The following ZFHX3 variants were observed in gnomAD, a reference collection of about 807,000 sequenced individuals.
ZFHX3 encodes the protein zinc finger homeobox protein 3.
In ZFHX3, 42 loss-of-function variants were observed where a neutral mutation model predicts 279.1. That is an observed-to-expected ratio of 0.15 (90% CI 0.12 to 0.19). The LOEUF (loss-of-function observed/expected upper bound fraction) is 0.19, where lower values mean the gene tolerates loss of function less well. ZFHX3 is among the 10% of genes least tolerant of loss of function. The pLI is 1.00. For missense variants in ZFHX3, 4,981 were observed against 4,754.0 expected (o/e 1.05, Z -1.40); for synonymous variants, 2,293 against 1,957.8 (o/e 1.17, Z -4.52).
chr16:73,529,013 C>A (rs190569453), intron 2 of ZFHX3, among the ~76,000 whole-genome samples: 9 of 152,234 alleles, frequency 5.9e-5, no homozygotes, highest in Admixed American at 4.6e-4. Flanking sequence ...TTGAGGACAA[C>A]AAAGAATAAA....
At chr16:72,904,318 A>G (rs2039114417) in intron 3 of ZFHX3, among the ~76,000 whole-genome samples, 1 of 151,870 alleles carries the variant, frequency 6.6e-6, no homozygotes, top group Admixed American at 6.6e-5. Context: ...GTGAGCCGAG[A>G]TCACAACCCA....
At chr16:73,606,020 A>G (rs906411895) in intron 2 of ZFHX3, among the ~76,000 whole-genome samples, 1 of 151,246 alleles carries the variant, frequency 6.6e-6, no homozygotes, top group Non-Finnish European at 1.5e-5. Context: ...CGTCTCTACT[A>G]AAAATACAAA....
At chr16:73,001,066 A>G (rs1038863341) in intron 1 of ZFHX3, among the ~76,000 whole-genome samples, 1 of 152,140 alleles carries the variant, frequency 6.6e-6, no homozygotes, top group African/African-American at 2.4e-5. Context: ...CTTCTTACCA[A>G]CAGCATGCAA....
intron 3 of ZFHX3, among the ~76,000 whole-genome samples, chr16:73,437,687 A>G (rs138742823): frequency 6.6e-6 from 1 of 152,270 alleles, no homozygotes; most frequent in African/African-American, 2.4e-5. Flanking sequence ...TTCTACATAA[A>G]TGACATAATT....
At position 72,785,308 on chromosome 16, in the gene ZFHX3, T is replaced by A. The variant is rs1049150505; in HGVS notation, c.*1856A>T. 6 of 152,210 alleles carry A rather than the reference T, an allele frequency of 3.9e-5. No individual in the cohort carries two copies. Among genetic ancestry groups the A allele is most frequent in the Non-Finnish European group, 8.8e-5 (6 of 68,002 alleles). 9.4% of individuals were successfully genotyped at this position (152,210 alleles called of 1,614,324 possible). A position where few individuals can be genotyped will look rare whatever the true frequency, so the allele number is the denominator to read the frequency against. On this transcript the variant is annotated 3_prime_UTR_variant, in exon 10 of 10. Coordinates refer to ENST00000268489, the MANE Select transcript of ZFHX3 (RefSeq NM_006885.4). ...ACAGAAACAAGTGCCTCACATACAG[T>A]TCCTTTTTTGCTTTCTGTACACTGC...
intron 1 of ZFHX3, among the ~76,000 whole-genome samples, chr16:73,688,474 C>G (rs905005691): frequency 6.6e-6 from 1 of 151,950 alleles, no homozygotes; most frequent in African/African-American, 2.4e-5. Flanking sequence ...GAATTAGCAC[C>G]CTCATAAAAG....
chr16:73,087,236 T>C (rs1257282769), intron 8 of ZFHX3, among the ~76,000 whole-genome samples: 1 of 152,182 alleles, frequency 6.6e-6, no homozygotes, highest in African/African-American at 2.4e-5. Context: ...CAAAGGGTCA[T>C]GTAACTAACT....
At chr16:73,848,285 A>G (rs1327660422) in intron 1 of ZFHX3, among the ~76,000 whole-genome samples, 1 of 152,010 alleles carries the variant, frequency 6.6e-6, no homozygotes, top group East Asian at 1.9e-4. Flanking sequence ...TCTTAGGAGC[A>G]CTCAGGAGCT....
chr16:73,876,667 G>T (rs1266982131), intron 1 of ZFHX3, among the ~76,000 whole-genome samples: 2 of 152,082 alleles, frequency 1.3e-5, no homozygotes, highest in Non-Finnish European at 2.9e-5. Flanking sequence ...GGATATGTGG[G>T]GTAGGAATTC....
intron 2 of ZFHX3, among the ~76,000 whole-genome samples, chr16:73,646,944 A>C (rs2052623272): frequency 6.6e-6 from 1 of 151,820 alleles, no homozygotes; most frequent in Admixed American, 6.6e-5. Flanking sequence ...GTAATTACGC[A>C]GGGAGAATCT....
At chr16:73,488,991 GT>G (rs1271898931) in intron 2 of ZFHX3, among the ~76,000 whole-genome samples, 1 of 152,110 alleles carries the variant, frequency 6.6e-6, no homozygotes. Flanking sequence ...TATACAAAGT[GT>G]TTAGCATGGT....
chr16:73,487,424 G>A (rs1450082617), intron 2 of ZFHX3: 2 of 356,716 alleles, frequency 5.6e-6, no homozygotes, highest in Non-Finnish European at 5.8e-6. Flanking sequence ...TTTTTTTTTG[G>A]CAGAGTCTCG....
intron 1 of ZFHX3, among the ~76,000 whole-genome samples, chr16:73,742,599 G>A (rs1597091165): frequency 1.3e-5 from 2 of 152,222 alleles, no homozygotes; most frequent in African/African-American, 4.8e-5. Flanking sequence ...TGGTCAACCT[G>A]GTTCATATCC....
chr16:73,614,517 T>C (rs1263387167), intron 2 of ZFHX3, among the ~76,000 whole-genome samples: 2 of 152,202 alleles, frequency 1.3e-5, no homozygotes, highest in Non-Finnish European at 2.9e-5. Flanking sequence ...ACGGGCACTA[T>C]ATATCTAAGA....
intron 9 of ZFHX3, chr16:72,790,332 G>C (rs1322458013): frequency 6.6e-6 from 1 of 152,148 alleles, no homozygotes; most frequent in East Asian, 1.9e-4. Context: ...GAAACTTGAT[G>C]GTATATACAT....
chr16:73,036,817 A>G (rs1400065427), intron 1 of ZFHX3, among the ~76,000 whole-genome samples: 3 of 152,174 alleles, frequency 2.0e-5, no homozygotes, highest in African/African-American at 4.8e-5. Flanking sequence ...TTGAGGATTT[A>G]AAATGAAAAA....
intron 3 of ZFHX3, among the ~76,000 whole-genome samples, chr16:73,335,279 T>C (rs1460673284): frequency 6.6e-6 from 1 of 152,190 alleles, no homozygotes; most frequent in African/African-American, 2.4e-5. Flanking sequence ...TTATTTTCCC[T>C]ATGACTTCGA....
At chr16:73,677,346 A>C (rs2052965165) in intron 2 of ZFHX3, among the ~76,000 whole-genome samples, 2 of 151,980 alleles carry the variant, frequency 1.3e-5, no homozygotes, top group Admixed American at 1.3e-4. Context: ...TGGATAAAGT[A>C]AGAATATAAC....
chr16:73,483,018 A>C (rs1441184336), intron 2 of ZFHX3, among the ~76,000 whole-genome samples: 23 of 152,194 alleles, frequency 1.5e-4, no homozygotes, highest in Admixed American at 1.4e-3. Context: ...TTCGTAGCTA[A>C]ATCCTTTCTT....
Sources: gnomAD v4.1 joint callset for allele counts (sites outside exome capture counted in the v4.1 genomes callset) on GRCh38, gnomAD v4.1.1 for gene constraint, MANE v1.5 for transcripts, NCBI Gene and HGNC (gene_info 2026-07-23, HGNC 2026-07-21) for gene names.